The following ITFG1 variants were observed in gnomAD, a reference collection of about 807,000 sequenced individuals.
ITFG1 encodes T-cell immunomodulatory protein.
In ITFG1, 34 loss-of-function variants were observed where a neutral mutation model predicts 81.8. The ratio of observed to expected loss-of-function variants is 0.42; its 90% CI spans 0.32 to 0.55. The LOEUF (loss-of-function observed/expected upper bound fraction) is 0.55. Ranked by LOEUF, ITFG1 falls within the 20% of genes least tolerant of loss-of-function variation. The pLI, the probability that ITFG1 is intolerant of heterozygous loss-of-function variation, is 0.17. For missense variants in ITFG1, 672 were observed against 755.4 expected (o/e 0.89, Z 1.29); for synonymous variants, 285 against 270.6 (o/e 1.05, Z -0.52).
chr16:47,265,158 T>A (rs1249641403), intron 10 of ITFG1, among the ~76,000 whole-genome samples: 3 of 137,022 alleles, frequency 2.2e-5, no homozygotes, highest in African/African-American at 8.2e-5. Context: ...TGATATGTTG[T>A]AAATACTTCC....
rs139239314 is a variant in ITFG1 at position 47,179,495 on chromosome 16, T to G, written c.1454-16831A>C. Among the ~76,000 whole-genome samples, 1,316 of 152,246 alleles carry G rather than the reference T, an allele frequency of 8.6e-3. 11 individuals carry two copies. The highest frequency in any genetic ancestry group is 0.014 in the Non-Finnish European group (935 of 68,020). On this transcript the variant is annotated intron_variant, in intron 14 of 17. Transcript: ENST00000320640. ...ATAAAAAAATTGATCAAGAGGGATT[T>G]TATTGTGAGGGGATTGAAATGTTCT...
chr16:47,159,031 TTTAAA>T (rs1483729041), intron 16 of ITFG1, 41 bp from the exon 17 acceptor site: 1 of 1,115,966 alleles, frequency 9.0e-7, no homozygotes, highest in Non-Finnish European at 1.3e-6. Flanking sequence ...ACAAATTTTA[TTTAAA>T]AATAACAAAG....
At chr16:47,213,757 G>A (rs1261318760) in intron 14 of ITFG1, among the ~76,000 whole-genome samples, 2 of 152,040 alleles carry the variant, frequency 1.3e-5, no homozygotes, top group African/African-American at 4.8e-5. Context: ...CTGGGAGTGT[G>A]GTGCACCCCA....
At chr16:47,344,686 A>G (rs991204971) in intron 8 of ITFG1, among the ~76,000 whole-genome samples, 1 of 152,194 alleles carries the variant, frequency 6.6e-6, no homozygotes, top group Non-Finnish European at 1.5e-5. Flanking sequence ...GATATTTGGT[A>G]CAGGCATTAA....
At chr16:47,214,038 T>C (rs1965596638) in intron 14 of ITFG1, among the ~76,000 whole-genome samples, 1 of 152,210 alleles carries the variant, frequency 6.6e-6, no homozygotes, top group African/African-American at 2.4e-5. Context: ...CTTGTGAGAC[T>C]GAGCCCTTAA....
chr16:47,336,686 G>A (rs555374932), intron 8 of ITFG1, among the ~76,000 whole-genome samples: 16 of 152,242 alleles, frequency 1.1e-4, no homozygotes, highest in Admixed American at 9.2e-4. Context: ...ATTAGGGGTC[G>A]GGCATGGTGG....
intron 8 of ITFG1, among the ~76,000 whole-genome samples, chr16:47,319,286 A>C (rs1280470220): frequency 6.6e-6 from 1 of 152,206 alleles, no homozygotes; most frequent in African/African-American, 2.4e-5. Flanking sequence ...TCCAAAATTC[A>C]AATTTTTGCT....
chr16:47,178,387 C>A (rs1374382557), intron 14 of ITFG1, among the ~76,000 whole-genome samples: 1 of 152,128 alleles, frequency 6.6e-6, no homozygotes, highest in Non-Finnish European at 1.5e-5. Flanking sequence ...AACAGTCCTA[C>A]TTAGTGCTCA....
intron 7 of ITFG1, among the ~76,000 whole-genome samples, chr16:47,369,699 GATAA>G (rs1200895252): frequency 2.0e-5 from 3 of 151,992 alleles, no homozygotes; most frequent in South Asian, 2.1e-4. Flanking sequence ...TTTAAAAACT[GATAA>G]ATAATTATAC....
intron 10 of ITFG1, among the ~76,000 whole-genome samples, chr16:47,296,033 A>T: frequency 6.6e-6 from 1 of 151,984 alleles, no homozygotes; most frequent in East Asian, 1.9e-4. Flanking sequence ...CAGGTAGCTG[A>T]GTCTACAGGC....
intron 14 of ITFG1, among the ~76,000 whole-genome samples, chr16:47,167,407 A>G (rs1402899182): frequency 1.3e-5 from 2 of 152,170 alleles, no homozygotes; most frequent in Admixed American, 1.3e-4. Flanking sequence ...AAAGAAGTGT[A>G]AATGGCCGGT....
At chr16:47,260,226 C>G (rs535779800) in intron 11 of ITFG1, among the ~76,000 whole-genome samples, 1 of 152,020 alleles carries the variant, frequency 6.6e-6, no homozygotes, top group South Asian at 2.1e-4. Flanking sequence ...TGTGAGCCAC[C>G]GCGCCCGGCC....
At chr16:47,336,140 A>G (rs1967700998) in intron 8 of ITFG1, among the ~76,000 whole-genome samples, 5 of 152,238 alleles carry the variant, frequency 3.3e-5, no homozygotes, top group Admixed American at 2.6e-4. Context: ...AATAGGCCAA[A>G]GTATAGAGAC....
chr16:47,323,181 G>A (rs1309451422), intron 8 of ITFG1, among the ~76,000 whole-genome samples: 1 of 152,080 alleles, frequency 6.6e-6, no homozygotes, highest in Non-Finnish European at 1.5e-5. Context: ...CCTTCAAGAG[G>A]TGACTGGGTC....
In ITFG1 at chr16:47,329,736, A is replaced by G. The variant is rs543920437; in HGVS notation, c.803-15913T>C. 3.6e-3 allele frequency among the ~76,000 whole-genome samples: 547 copies of G among 152,270 alleles called. 3 individuals are homozygous for G. The highest frequency in any genetic ancestry group is 0.012 in the African/African-American group (508 of 41,550). ...TCCTATATTATGACCTCCATTTAAC[A>G]GAAGGAGAAATGGAAGTATAAGAGG... On this transcript the variant is annotated intron_variant, in intron 8 of 17. Transcript: ENST00000320640.
chr16:47,176,778 T>C (rs1191945478), intron 14 of ITFG1, among the ~76,000 whole-genome samples: 1 of 152,230 alleles, frequency 6.6e-6, no homozygotes, highest in East Asian at 1.9e-4. Flanking sequence ...AGTATTGATA[T>C]GTTTGTTTTC....
intron 8 of ITFG1, among the ~76,000 whole-genome samples, chr16:47,322,462 G>T (rs534657196): frequency 2.0e-5 from 3 of 152,304 alleles, no homozygotes; most frequent in Admixed American, 6.5e-5. Context: ...ACCGAGGTGG[G>T]TGGATCACCT....
At chr16:47,442,596 G>A (rs977237327) in intron 5 of ITFG1, among the ~76,000 whole-genome samples, 8 of 152,004 alleles carry the variant, frequency 5.3e-5, no homozygotes, top group East Asian at 1.9e-4. Flanking sequence ...AAATAATGTC[G>A]CATATCTACA....
chr16:47,405,307 G>A (rs1004442592), intron 6 of ITFG1, among the ~76,000 whole-genome samples: 2 of 152,132 alleles, frequency 1.3e-5, no homozygotes, highest in Admixed American at 6.6e-5. Flanking sequence ...TGTCTGTAAT[G>A]TCTAAGTATT....
Sources: allele counts gnomAD v4.1 joint callset (sites outside exome capture counted in the v4.1 genomes callset), GRCh38; gene constraint gnomAD v4.1.1; transcripts MANE v1.5; gene names NCBI Gene and HGNC (gene_info 2026-07-23, HGNC 2026-07-21).